Variants in TRHR observed in about 807,000 individuals in gnomAD.
TRHR encodes the protein thyrotropin releasing hormone receptor, also known as thyrotropin-releasing hormone receptor.
Under a neutral mutation model 28.0 loss-of-function variants are expected in TRHR, and 14 were observed. The observed-to-expected ratio is 0.50, with a 90% CI of 0.33 to 0.78. The LOEUF (loss-of-function observed/expected upper bound fraction) is 0.78, where lower values mean the gene tolerates loss of function less well. Ranked by LOEUF, TRHR falls within the 30% of genes least tolerant of loss-of-function variation. TRHR has a pLI of 0.02. For synonymous variants in TRHR, 176 were observed against 171.9 expected, an observed-to-expected ratio of 1.02 and a Z score of -0.18; for missense variants, 438 against 469.5, an observed-to-expected ratio of 0.93 and a Z score of 0.62.
intron 2 of TRHR, among the ~76,000 whole-genome samples, chr8:109,089,371 C>T: frequency 6.6e-6 from 1 of 151,120 alleles, no homozygotes; most frequent in Non-Finnish European, 1.5e-5. Flanking sequence ...ACTGAGTGTA[C>T]TTTGTAAAAA....
At chr8:109,096,582 A>C (rs562710969) in intron 2 of TRHR, among the ~76,000 whole-genome samples, 1 of 152,326 alleles carries the variant, frequency 6.6e-6, no homozygotes, top group South Asian at 2.1e-4. Context: ...CAGGCTTTGC[A>C]AGAGCAGGTG....
chr8:109,087,711 C>A lies in TRHR; in HGVS notation c.199C>A (p.Leu67Met), dbSNP rs1393789420. The change falls in exon 2 of 3, where the codon CTG becomes ATG. Residue 67 changes from leucine (L) to methionine (M), a missense_variant. Coordinates refer to ENST00000518632, the MANE Select transcript of TRHR (RefSeq NM_003301.7). ...RTPTNCYLVS[L>M]AVADLMVLVA... is the part of the protein sequence containing the mutation. ...CCCCACAAACTGCTACCTGGTGAGC[C>A]TGGCAGTAGCTGATCTCATGGTCTT... 6.2e-7 allele frequency: 1 copy of A among 1,614,044 alleles called. No homozygotes were observed. Among genetic ancestry groups the A allele is most frequent in the Non-Finnish European group, 8.5e-7 (1 of 1,180,040 alleles).
chr8:109,087,934 GA>G lies in TRHR; in HGVS notation c.423del (p.Ala142ProfsTer35). ...IKAQFLCTFSRAKKIIIFVWA... is the reference protein window; with the variant it reads ...IKAQFLCTFSXAKKIIIFVWA... ...GCCCAGTTTCTCTGCACATTTTCCA[GA>G]GCCAAAAAGATTATCATCTTTGTCT... On this transcript the variant is annotated frameshift_variant, in exon 2 of 3. Transcript: ENST00000518632. LOFTEE classifies it high-confidence loss of function. 1 of 1,614,076 alleles carries G rather than the reference GA, an allele frequency of 6.2e-7. No individual in the cohort carries two copies. The highest frequency in any genetic ancestry group is 1.1e-5 in the South Asian group (1 of 91,076).
intron 2 of TRHR, among the ~76,000 whole-genome samples, chr8:109,107,762 T>C (rs1044147147): frequency 9.2e-5 from 14 of 152,042 alleles, no homozygotes; most frequent in African/African-American, 3.4e-4. Context: ...CAGCCCCTTA[T>C]ATTAGAAAGG....
At chr8:109,106,567 G>T (rs977338516) in intron 2 of TRHR, among the ~76,000 whole-genome samples, 1 of 152,070 alleles carries the variant, frequency 6.6e-6, no homozygotes, top group Non-Finnish European at 1.5e-5. Flanking sequence ...ATTGCATGCT[G>T]CTCTATCAAT....
At position 109,087,603 on chromosome 8, in the gene TRHR, C is replaced by T. The variant is rs1250481834; in HGVS notation, c.91C>T (p.Leu31Phe). 1.9e-6 allele frequency: 3 copies of T among 1,614,186 alleles called. No individual in the cohort carries two copies. The South Asian group carries it at 3.3e-5, about 18-fold the overall frequency. Reference protein sequence around the residue: ...ALEYQVVTILLVLIICGLGIV... With the variant: ...ALEYQVVTILFVLIICGLGIV... Reference sequence around the variant, plus strand: ...AGAATACCAGGTGGTCACCATCTTACTTGTACTCATTATTTGTGGCCTGGG... The same window carrying T: ...AGAATACCAGGTGGTCACCATCTTATTTGTACTCATTATTTGTGGCCTGGG... Residue 31 changes from leucine to phenylalanine, a missense_variant, in exon 2 of 3, where the codon CTT becomes TTT. Coordinates refer to ENST00000518632, the MANE Select transcript of TRHR (RefSeq NM_003301.7).
At chr8:109,115,009 A>G (rs930496457) in intron 2 of TRHR, among the ~76,000 whole-genome samples, 9 of 151,980 alleles carry the variant, frequency 5.9e-5, no homozygotes, top group Non-Finnish European at 1.3e-4. Context: ...TTTTTACTCA[A>G]AGATTGTGTC....
intron 2 of TRHR, among the ~76,000 whole-genome samples, chr8:109,118,252 A>G (rs1811948882): frequency 6.6e-6 from 1 of 151,942 alleles, no homozygotes; most frequent in Admixed American, 6.6e-5. Context: ...TAGGAGGTTT[A>G]AAACTTTTTA....
intron 2 of TRHR, among the ~76,000 whole-genome samples, chr8:109,099,127 G>C (rs1179735715): frequency 1.3e-5 from 2 of 150,838 alleles, no homozygotes; most frequent in Non-Finnish European, 2.9e-5. Context: ...ATTATTGAAA[G>C]AAATTGTAAG....
intron 2 of TRHR, among the ~76,000 whole-genome samples, chr8:109,104,621 A>G (rs1242808326): frequency 6.6e-6 from 1 of 152,078 alleles, no homozygotes; most frequent in African/African-American, 2.4e-5. Flanking sequence ...TATTTCACCC[A>G]AAACCCCTGA....
intron 2 of TRHR, among the ~76,000 whole-genome samples, chr8:109,098,582 C>T (rs1006826358): frequency 6.6e-6 from 1 of 152,138 alleles, no homozygotes; most frequent in Non-Finnish European, 1.5e-5. Flanking sequence ...TCCCAAGTCA[C>T]TATCTTGCCA....
chr8:109,119,914 T>C lies in TRHR; in HGVS notation c.*459T>C, dbSNP rs1285385186. ...CATTTTAACATAGTACAGGGCTAGTTCATGAATATCTGAAATTAAAGGGAA... is the reference window on the plus strand; with the variant it reads ...CATTTTAACATAGTACAGGGCTAGTCCATGAATATCTGAAATTAAAGGGAA... On this transcript the variant is annotated 3_prime_UTR_variant, in exon 3 of 3. Transcript: ENST00000518632. Among the ~76,000 whole-genome samples the C allele has an allele frequency of 1.3e-5, 2 of 151,908 alleles. No individual in the cohort carries two copies. The highest frequency in any genetic ancestry group is 2.9e-5 in the Non-Finnish European group (2 of 67,902).
chr8:109,097,201 G>A (rs894757741), intron 2 of TRHR, among the ~76,000 whole-genome samples: 27 of 152,162 alleles, frequency 1.8e-4, no homozygotes, highest in African/African-American at 6.3e-4. Context: ...AAGGCATAGA[G>A]AGGCAGAGAA....
At chr8:109,106,902 T>C (rs988294142) in intron 2 of TRHR, among the ~76,000 whole-genome samples, 1 of 152,142 alleles carries the variant, frequency 6.6e-6, no homozygotes, top group Non-Finnish European at 1.5e-5. Context: ...CAAGGAGGCA[T>C]CATTCTATGG....
At chr8:109,108,665 G>C (rs560852144) in intron 2 of TRHR, among the ~76,000 whole-genome samples, 57 of 152,282 alleles carry the variant, frequency 3.7e-4, no homozygotes, top group Admixed American at 2.0e-4. Flanking sequence ...AGAATACTTA[G>C]AAAAGGCTAA....
intron 1 of TRHR, among the ~76,000 whole-genome samples, chr8:109,087,103 ATT>A (rs1396045645): frequency 6.6e-6 from 1 of 152,066 alleles, no homozygotes; most frequent in East Asian, 1.9e-4. Flanking sequence ...TAAGAGGTGT[ATT>A]CATATTTATT....
At chr8:109,113,670 A>G (rs1811872987) in intron 2 of TRHR, among the ~76,000 whole-genome samples, 1 of 152,134 alleles carries the variant, frequency 6.6e-6, no homozygotes, top group African/African-American at 2.4e-5. Context: ...GCAAGGGGTG[A>G]ATAATAGAAG....
chr8:109,114,962 T>C (rs987098615), intron 2 of TRHR, among the ~76,000 whole-genome samples: 2 of 152,062 alleles, frequency 1.3e-5, no homozygotes, highest in African/African-American at 4.8e-5. Flanking sequence ...AATGGATGGA[T>C]AGATTCCTTC....
chr8:109,087,437 G>A lies in TRHR; in HGVS notation c.-76G>A. 1 of 1,512,614 alleles carries A rather than the reference G, an allele frequency of 6.6e-7. No homozygotes were observed. Among genetic ancestry groups the A allele is most frequent in the Non-Finnish European group, 9.1e-7 (1 of 1,096,634 alleles). The allele number at this position is 1,512,614 out of a possible 1,614,324, so 93.7% of individuals were successfully genotyped here. A position where few individuals can be genotyped will look rare whatever the true frequency, so the allele number is the denominator to read the frequency against. On this transcript the variant is annotated 5_prime_UTR_variant, in exon 2 of 3. Coordinates refer to ENST00000518632, the MANE Select transcript of TRHR (RefSeq NM_003301.7). ...TGACCCTTCACAGGGGGATGGAACT[G>A]CTGCAATAAAGGTGGGCGCTGGAAA...
Sources: allele counts gnomAD v4.1 joint callset (sites outside exome capture counted in the v4.1 genomes callset), GRCh38; gene constraint gnomAD v4.1.1; transcripts MANE v1.5; gene names NCBI Gene and HGNC (gene_info 2026-07-23, HGNC 2026-07-21).